Variants in WWOX observed in about 807,000 individuals in gnomAD.
WWOX encodes WW domain containing oxidoreductase.
A neutral mutation model predicts 46.2 loss-of-function variants in WWOX; 69 were observed. The ratio of observed to expected loss-of-function variants is 1.49; its 90% CI spans 1.23 to 1.82. The LOEUF (loss-of-function observed/expected upper bound fraction) is 1.82, where lower values mean the gene tolerates loss of function less well. Among genes scored for constraint, WWOX ranks in the 40% most tolerant of loss-of-function variants. WWOX has a pLI of 0.00. For synonymous variants in WWOX, 359 were observed against 202.6 expected (o/e 1.77, Z -6.56); for missense variants, 919 against 542.6 (o/e 1.69, Z -6.89).
In WWOX at chr16:78,349,339, T is replaced by A. The variant is rs1055656364; in HGVS notation, c.517-37521T>A. ...CAAATACAGTCACATTCTGAGGTAGTACGGGTTAGGTCTTCAGCATATGAA... is the reference window on the plus strand; with the variant it reads ...CAAATACAGTCACATTCTGAGGTAGAACGGGTTAGGTCTTCAGCATATGAA... On this transcript the variant is annotated intron_variant, in intron 5 of 8. Coordinates refer to ENST00000566780, the MANE Select transcript of WWOX (RefSeq NM_016373.4). Among the ~76,000 whole-genome samples, 5 of 120,876 alleles carry A rather than the reference T, an allele frequency of 4.1e-5. No individual in the cohort carries two copies. The East Asian group carries it at 9.7e-4, about 23-fold the overall frequency. 79.3% of individuals were successfully genotyped at this position (120,876 alleles called of 152,430 possible). A position where few individuals can be genotyped will look rare whatever the true frequency, so the allele number is the denominator to read the frequency against.
intron 8 of WWOX, among the ~76,000 whole-genome samples, chr16:78,441,640 C>G (rs553380222): frequency 7.2e-5 from 11 of 152,176 alleles, no homozygotes; most frequent in East Asian, 3.9e-4. Context: ...GGGTCCAGCC[C>G]TAGCTCTCTC....
At chr16:78,821,711 G>A (rs2051499775) in intron 8 of WWOX, among the ~76,000 whole-genome samples, 2 of 152,142 alleles carry the variant, frequency 1.3e-5, no homozygotes, top group African/African-American at 2.4e-5. Context: ...GTTGGTTGCT[G>A]AGCTTTAAAC....
chr16:78,467,307 C>A (rs1030042985), intron 8 of WWOX, among the ~76,000 whole-genome samples: 6 of 152,054 alleles, frequency 3.9e-5, no homozygotes, highest in Admixed American at 6.6e-5. Context: ...TACCCATATA[C>A]ACACAGTCTA....
chr16:79,201,397 T>C (rs1277143431), intron 8 of WWOX, among the ~76,000 whole-genome samples: 1 of 152,000 alleles, frequency 6.6e-6, no homozygotes, highest in Admixed American at 6.5e-5. Context: ...GATCTGTTTC[T>C]TCATTTGCTT....
chr16:78,874,725 TAGTA>T (rs1342823451), intron 8 of WWOX, among the ~76,000 whole-genome samples: 1 of 141,744 alleles, frequency 7.1e-6, no homozygotes, highest in Admixed American at 7.6e-5. Flanking sequence ...TGTCATGACT[TAGTA>T]AGGCCATCAC....
At chr16:78,491,858 C>T (rs1394887260) in intron 8 of WWOX, among the ~76,000 whole-genome samples, 1 of 152,166 alleles carries the variant, frequency 6.6e-6, no homozygotes, top group Non-Finnish European at 1.5e-5. Context: ...GCCCAAGACT[C>T]CCCTTTACAC....
chr16:78,966,092 T>G lies in WWOX; in HGVS notation c.1057-245516T>G, dbSNP rs377129900. On this transcript the variant is annotated intron_variant, in intron 8 of 8. Coordinates refer to ENST00000566780, the MANE Select transcript of WWOX (RefSeq NM_016373.4). The stretch of plus-strand genomic sequence containing the variant: ...CAGCTCTGAGGATTCCAAGCTTTTT[T>G]GCGTGGCTTCTTACCTATCAGCTAA... Among the ~76,000 whole-genome samples the G allele has an allele frequency of 3.1e-3, 475 of 152,340 alleles. 3 individuals carry two copies. The highest frequency in any genetic ancestry group is 6.8e-3 in the Middle Eastern group (2 of 294).
chr16:78,119,460 C>G lies in WWOX; in HGVS notation c.409+4306C>G, dbSNP rs535090473. Among the ~76,000 whole-genome samples, 24 of 152,268 alleles carry G rather than the reference C, an allele frequency of 1.6e-4. No homozygotes were observed. The South Asian group carries it at 4.4e-3, about 28-fold the overall frequency. ...GTTGCTCATCAAAGGCAGGATCCTTCTAATGAGGGATTAGTTGGATGCCTA... is the reference window on the plus strand; with the variant it reads ...GTTGCTCATCAAAGGCAGGATCCTTGTAATGAGGGATTAGTTGGATGCCTA... On this transcript the variant is annotated intron_variant, in intron 4 of 8. Transcript: ENST00000566780.
intron 8 of WWOX, among the ~76,000 whole-genome samples, chr16:78,922,728 A>C (rs138987417): frequency 2.0e-5 from 3 of 152,074 alleles, no homozygotes; most frequent in Non-Finnish European, 4.4e-5. Flanking sequence ...AAGGATTCCA[A>C]CTTTCCCATT....
intron 4 of WWOX, among the ~76,000 whole-genome samples, chr16:78,147,359 A>G (rs1005319563): frequency 6.6e-6 from 1 of 152,188 alleles, no homozygotes; most frequent in African/African-American, 2.4e-5. Context: ...AGGCAAGGTG[A>G]TGGTGAGCCC....
chr16:79,115,550 C>G (rs769185614), intron 8 of WWOX, among the ~76,000 whole-genome samples: 1 of 152,184 alleles, frequency 6.6e-6, no homozygotes, highest in Non-Finnish European at 1.5e-5. Flanking sequence ...TTTACAATAT[C>G]TCTAAACTCA....
intron 8 of WWOX, among the ~76,000 whole-genome samples, chr16:78,517,366 G>A (rs1382759665): frequency 3.4e-5 from 4 of 116,120 alleles, no homozygotes; most frequent in Non-Finnish European, 4.8e-5. Context: ...GACATTTGAA[G>A]CATCCACAGA....
chr16:78,497,319 A>T (rs1048430348), intron 8 of WWOX, among the ~76,000 whole-genome samples: 3 of 152,248 alleles, frequency 2.0e-5, no homozygotes, highest in African/African-American at 7.2e-5. Flanking sequence ...AAATCAACTC[A>T]AAGTGGATTG....
At position 79,211,870 on chromosome 16, in the gene WWOX, C is replaced by A; in HGVS notation, c.*74C>A. 1 of 1,594,402 alleles carries A rather than the reference C, an allele frequency of 6.3e-7. No individual in the cohort carries two copies. Among genetic ancestry groups the A allele is most frequent in the South Asian group, 1.1e-5 (1 of 89,202 alleles). ...CTCACGCAAGTGCCAGGGCTGGGCCCCTTCCAAATGTCCCTCCAACACAGA... is the reference window on the plus strand; with the variant it reads ...CTCACGCAAGTGCCAGGGCTGGGCCACTTCCAAATGTCCCTCCAACACAGA... On this transcript the variant is annotated 3_prime_UTR_variant, in exon 9 of 9. Transcript: ENST00000566780.
At chr16:78,254,516 T>TTTTTTG (rs1436220393) in intron 5 of WWOX, among the ~76,000 whole-genome samples, 2 of 139,212 alleles carry the variant, frequency 1.4e-5, no homozygotes, top group Admixed American at 7.1e-5. Context: ...TTTTTTTTTT[T>TTTTTTG]TTTGTTTGAC....
Position 79,077,097 on chromosome 16 carries a change from G to T in WWOX, c.1057-134511G>T, listed in dbSNP as rs188049572. ...CAGGTCTCATAGCAAAAAGGTGGCC[G>T]GATGAGGATTTGAACCCACTGCTCT... is the stretch of plus-strand genomic sequence containing the variant. On this transcript the variant is annotated intron_variant, in intron 8 of 8. Coordinates refer to ENST00000566780, the MANE Select transcript of WWOX (RefSeq NM_016373.4). Among the ~76,000 whole-genome samples, 15 of 152,234 alleles carry T rather than the reference G, an allele frequency of 9.9e-5. 1 individual carries two copies. Among genetic ancestry groups the T allele is most frequent in the Admixed American group, 9.2e-4 (14 of 15,284 alleles).
At chr16:78,747,190 A>ATTTTT (rs67902043) in intron 8 of WWOX, among the ~76,000 whole-genome samples, 1 of 129,246 alleles carries the variant, frequency 7.7e-6, no homozygotes, top group Non-Finnish European at 1.7e-5. Context: ...TTTCTTGCCC[A>ATTTTT]TTTTTTTTTT....
intron 8 of WWOX, among the ~76,000 whole-genome samples, chr16:78,995,601 GA>G (rs1005290617): frequency 6.6e-6 from 1 of 152,004 alleles, no homozygotes; most frequent in African/African-American, 2.4e-5. Context: ...GAGAGAAAGA[GA>G]AAAAACTGCA....
rs189884891 is a variant in WWOX at position 78,354,442 on chromosome 16, G to T, written c.517-32418G>T. Among the ~76,000 whole-genome samples, 9 of 150,816 alleles carry T rather than the reference G, an allele frequency of 6.0e-5. No individual in the cohort carries two copies. The South Asian group carries it at 1.7e-3, about 28-fold the overall frequency. On this transcript the variant is annotated intron_variant, in intron 5 of 8. Transcript: ENST00000566780. ...TAATGCCAATGAAGCCCGTTAATCCGCTCATTACTGCAGTTTAATTTTGAT... is the reference window on the plus strand; with the variant it reads ...TAATGCCAATGAAGCCCGTTAATCCTCTCATTACTGCAGTTTAATTTTGAT...
Sources: gnomAD v4.1 joint callset for allele counts (sites outside exome capture counted in the v4.1 genomes callset) on GRCh38, gnomAD v4.1.1 for gene constraint, MANE v1.5 for transcripts, NCBI Gene and HGNC (gene_info 2026-07-23, HGNC 2026-07-21) for gene names.